GPC6: variants seen among roughly 807,000 people sequenced by gnomAD.
GPC6 encodes the protein glypican 6, also known as glypican-6.
A neutral mutation model predicts 55.2 loss-of-function variants in GPC6; 14 were observed. The ratio of observed to expected loss-of-function variants is 0.25; its 90% CI spans 0.17 to 0.40. The LOEUF (loss-of-function observed/expected upper bound fraction) is 0.40. Ranked by LOEUF, GPC6 falls within the 10% of genes least tolerant of loss-of-function variation. The pLI is 1.00. For synonymous variants in GPC6, 278 were observed against 259.6 expected (o/e 1.07, Z -0.68); for missense variants, 641 against 708.5 (o/e 0.90, Z 1.08).
chr13:93,299,308 A>G (rs1306320086), intron 1 of GPC6, among the ~76,000 whole-genome samples: 2 of 152,218 alleles, frequency 1.3e-5, no homozygotes, highest in Non-Finnish European at 2.9e-5. Flanking sequence ...TACTGTTTTG[A>G]ATGTTTGTGG....
At chr13:93,756,030 A>G (rs1456020615) in intron 2 of GPC6, among the ~76,000 whole-genome samples, 1 of 152,082 alleles carries the variant, frequency 6.6e-6, no homozygotes, top group East Asian at 1.9e-4. Context: ...AATAGCTTAC[A>G]TTTTTAGTGG....
At chr13:94,143,029 G>A (rs1220077276) in intron 4 of GPC6, among the ~76,000 whole-genome samples, 1 of 151,806 alleles carries the variant, frequency 6.6e-6, no homozygotes, top group African/African-American at 2.4e-5. Flanking sequence ...GGTTCACCAT[G>A]TTGGTCAAGA....
At chr13:93,662,368 G>A (rs1163920436) in intron 2 of GPC6, among the ~76,000 whole-genome samples, 4 of 152,148 alleles carry the variant, frequency 2.6e-5, no homozygotes, top group Admixed American at 6.6e-5. Flanking sequence ...GGTGGCTCAC[G>A]CCTGTAATCC....
At chr13:93,612,549 C>T (rs1878527236) in intron 2 of GPC6, among the ~76,000 whole-genome samples, 1 of 101,250 alleles carries the variant, frequency 9.9e-6, no homozygotes, top group Non-Finnish European at 2.3e-5. Flanking sequence ...ACACAAACTT[C>T]ATGTGGCATT....
At chr13:94,047,726 G>A (rs1318541471) in intron 4 of GPC6, among the ~76,000 whole-genome samples, 1 of 152,096 alleles carries the variant, frequency 6.6e-6, no homozygotes, top group Non-Finnish European at 1.5e-5. Context: ...TAACTTAAAA[G>A]CCTCTTTAAA....
chr13:93,309,333 A>T (rs1022273548), intron 1 of GPC6, among the ~76,000 whole-genome samples: 5 of 152,172 alleles, frequency 3.3e-5, no homozygotes, highest in Non-Finnish European at 5.9e-5. Flanking sequence ...AATATTTGAA[A>T]TATAAACATA....
intron 1 of GPC6, among the ~76,000 whole-genome samples, chr13:93,303,985 C>G (rs952955740): frequency 6.6e-6 from 1 of 151,202 alleles, no homozygotes; most frequent in Non-Finnish European, 1.5e-5. Context: ...TCTCCTGCCT[C>G]AGCCTCCCGA....
chr13:94,217,158 G>A (rs1327450938), intron 4 of GPC6, among the ~76,000 whole-genome samples: 1 of 152,188 alleles, frequency 6.6e-6, no homozygotes, highest in Non-Finnish European at 1.5e-5. Flanking sequence ...TCCACACTTT[G>A]TAGAATGAGG....
Position 94,151,265 on chromosome 13 carries a change from A to T in GPC6, c.877+123371A>T, listed in dbSNP as rs145924354. Reference sequence around the variant, plus strand: ...TTTAAGGAAGGCAGGCAGCAGAAATATGTATATCAAAAAGCTGAAATAATT... The same window carrying T: ...TTTAAGGAAGGCAGGCAGCAGAAATTTGTATATCAAAAAGCTGAAATAATT... On this transcript the variant is annotated intron_variant, in intron 4 of 8. Coordinates refer to ENST00000377047, the MANE Select transcript of GPC6 (RefSeq NM_005708.5). Among the ~76,000 whole-genome samples the T allele has an allele frequency of 7.0e-3, 1,066 of 152,278 alleles. 13 individuals are homozygous for T. The highest frequency in any genetic ancestry group is 0.025 in the African/African-American group (1,019 of 41,566).
chr13:94,311,758 G>A (rs114056983), intron 6 of GPC6, among the ~76,000 whole-genome samples: 1 of 152,318 alleles, frequency 6.6e-6, no homozygotes, highest in African/African-American at 2.4e-5. Context: ...GGTGAAGAAA[G>A]TTAGGAGGTA....
intron 1 of GPC6, among the ~76,000 whole-genome samples, chr13:93,542,461 G>A (rs560167628): frequency 6.6e-6 from 1 of 152,162 alleles, no homozygotes; most frequent in East Asian, 1.9e-4. Context: ...GTAGCGTGAT[G>A]CCTCCAGCTT....
intron 3 of GPC6, among the ~76,000 whole-genome samples, chr13:93,930,274 G>GTTTTTTTTTT (rs1878094284): frequency 2.3e-5 from 1 of 43,280 alleles, no homozygotes; most frequent in Non-Finnish European, 4.6e-5. Flanking sequence ...GGAAACGAAA[G>GTTTTTTTTTT]GTTTTTTTTT....
intron 1 of GPC6, among the ~76,000 whole-genome samples, chr13:93,539,816 C>A (rs1314336406): frequency 6.6e-6 from 1 of 151,866 alleles, no homozygotes; most frequent in Non-Finnish European, 1.5e-5. Flanking sequence ...CTCAGCCTCC[C>A]AAGTAGCTGG....
rs1881547692 is a variant in GPC6 at position 93,996,211 on chromosome 13, T to G, written c.712-31518T>G. On this transcript the variant is annotated intron_variant, in intron 3 of 8. Coordinates refer to ENST00000377047, the MANE Select transcript of GPC6 (RefSeq NM_005708.5). The stretch of plus-strand genomic sequence containing the variant: ...TCCTTTAAAAATTTTTGGAATAGTA[T>G]AATGGTGATTGTGTAATTAAAATTT... Among the ~76,000 whole-genome samples the G allele has an allele frequency of 3.3e-5, 5 of 152,320 alleles. No homozygotes were observed. In the South Asian group the frequency reaches 1.0e-3, roughly 32 times the overall value.
At chr13:93,828,940 G>T (rs934874816) in intron 2 of GPC6, among the ~76,000 whole-genome samples, 7 of 152,112 alleles carry the variant, frequency 4.6e-5, no homozygotes, top group African/African-American at 1.7e-4. Flanking sequence ...GGAATTAATG[G>T]AGAGGTGTTC....
At chr13:93,496,115 C>T (rs1229920246) in intron 1 of GPC6, among the ~76,000 whole-genome samples, 1 of 152,130 alleles carries the variant, frequency 6.6e-6, no homozygotes, top group South Asian at 2.1e-4. Context: ...TGGCGCCCCT[C>T]CCCCAGCCTT....
chr13:93,884,470 T>C (rs115912688), intron 3 of GPC6, among the ~76,000 whole-genome samples: 91 of 152,212 alleles, frequency 6.0e-4, no homozygotes, highest in Middle Eastern at 3.4e-3. Context: ...ACTCTCGTTC[T>C]TCACAAAAAA....
chr13:93,562,602 A>G (rs999512864), intron 2 of GPC6, among the ~76,000 whole-genome samples: 1 of 152,154 alleles, frequency 6.6e-6, no homozygotes, highest in African/African-American at 2.4e-5. Flanking sequence ...TACTATTTTT[A>G]CCCCACTCAT....
At chr13:93,479,303 A>G (rs1477145101) in intron 1 of GPC6, among the ~76,000 whole-genome samples, 2 of 152,338 alleles carry the variant, frequency 1.3e-5, no homozygotes, top group East Asian at 3.9e-4. Context: ...TTGTACAAGT[A>G]TAAAATTTCT....
Sources: gnomAD v4.1 joint callset for allele counts (sites outside exome capture counted in the v4.1 genomes callset) on GRCh38, gnomAD v4.1.1 for gene constraint, MANE v1.5 for transcripts, NCBI Gene and HGNC (gene_info 2026-07-23, HGNC 2026-07-21) for gene names.